Variants in TMEM272 observed in about 807,000 individuals in gnomAD.
The protein encoded by TMEM272 is long intergenic non-protein coding RNA 282.
TMEM272 carries 8 observed loss-of-function variants against 3.7 expected under a neutral mutation model. The observed-to-expected ratio is 2.17, with a 90% CI of 1.27 to 3.91. The LOEUF (loss-of-function observed/expected upper bound fraction) is 3.91, where lower values mean the gene tolerates loss of function less well. TMEM272 is among the 30% of genes most tolerant of loss of function. The pLI, the probability that TMEM272 is intolerant of heterozygous loss-of-function variation, is 0.00. For synonymous variants in TMEM272, 63 were observed against 39.8 expected (o/e 1.58, Z -2.20); for missense variants, 166 against 91.5 (o/e 1.81, Z -3.32).
upstream of TMEM272, among the ~76,000 whole-genome samples, chr13:51,848,636 C>A (rs1357708686): frequency 1.3e-5 from 2 of 152,078 alleles, no homozygotes; most frequent in East Asian, 3.9e-4. Flanking sequence ...TGAGCACGTG[C>A]CTGAGTTTAA....
chr13:51,828,038 C>T (rs976173535), intron 2 of TMEM272, among the ~76,000 whole-genome samples: 2 of 152,168 alleles, frequency 1.3e-5, no homozygotes, highest in African/African-American at 4.8e-5. Context: ...GGAAGCCAGC[C>T]TGCGAATGAG....
the TMEM272 span, chr13:51,910,337 T>C: frequency 7.8e-7 from 1 of 1,280,860 alleles, no homozygotes; most frequent in Non-Finnish European, 1.1e-6. Context: ...CAAGGCTAAA[T>C]TTTTCAAGTA....
chr13:51,933,288 T>C, the TMEM272 span: 1 of 152,230 alleles, frequency 6.6e-6, no homozygotes, highest in Non-Finnish European at 1.5e-5. Context: ...CTGGGCAAAG[T>C]CCTCAGCCTC....
the TMEM272 span, among the ~76,000 whole-genome samples, chr13:51,851,994 T>G: frequency 6.6e-6 from 1 of 152,242 alleles, no homozygotes; most frequent in Non-Finnish European, 1.5e-5. Context: ...TACATGTACC[T>G]GCTGGATAAA....
chr13:51,918,555 C>A, the TMEM272 span, among the ~76,000 whole-genome samples: 1 of 152,190 alleles, frequency 6.6e-6, no homozygotes, highest in Admixed American at 6.5e-5. Context: ...TATGGGGATT[C>A]ACTCTTAGTC....
At chr13:51,867,765 G>A in the TMEM272 span, among the ~76,000 whole-genome samples, 1 of 152,118 alleles carries the variant, frequency 6.6e-6, no homozygotes, top group Non-Finnish European at 1.5e-5. Flanking sequence ...GGGTCCCAGG[G>A]CAAGGACTTC....
chr13:51,873,933 C>T, the TMEM272 span, among the ~76,000 whole-genome samples: 11 of 152,200 alleles, frequency 7.2e-5, no homozygotes, highest in East Asian at 1.3e-3. Flanking sequence ...GGGAATTTTC[C>T]GTCTCATCTG....
the TMEM272 span, among the ~76,000 whole-genome samples, chr13:51,868,777 T>C: frequency 6.6e-6 from 1 of 152,244 alleles, no homozygotes; most frequent in Non-Finnish European, 1.5e-5. Context: ...CCTGCTCATT[T>C]AGCTGAGTTC....
upstream of TMEM272, among the ~76,000 whole-genome samples, chr13:51,849,289 A>G (rs1956320713): frequency 6.6e-6 from 1 of 152,196 alleles, no homozygotes. Flanking sequence ...CGTGAGGCAC[A>G]CAGAATAGTC....
intron 1 of TMEM272, among the ~76,000 whole-genome samples, chr13:51,839,612 C>G (rs1956244473): frequency 6.6e-6 from 1 of 152,246 alleles, no homozygotes; most frequent in Non-Finnish European, 1.5e-5. Flanking sequence ...TTTAGCAGCA[C>G]TACCTGCAGG....
chr13:51,817,129 G>A lies in TMEM272; in HGVS notation c.202-16C>T, dbSNP rs1194901019. The stretch of plus-strand genomic sequence containing the variant: ...GGAGAGACACCTGGGGCGTGGTGGG[G>A]AGCCAGGGTGGCAAGGCAGAGCAGC... On this transcript the variant is annotated splice_polypyrimidine_tract_variant and intron_variant, in intron 4 of 4. Transcript: ENST00000629372. The A allele has an allele frequency of 2.9e-6, 2 of 695,226 alleles. No individual in the cohort carries two copies. Among genetic ancestry groups the A allele is most frequent in the Admixed American group, 4.0e-5 (2 of 49,846 alleles). The allele number at this position is 695,226 out of a possible 1,614,324, so 43.1% of individuals were successfully genotyped here.
the TMEM272 span, among the ~76,000 whole-genome samples, chr13:51,889,705 G>A: frequency 9.2e-5 from 14 of 151,990 alleles, no homozygotes; most frequent in African/African-American, 2.9e-4. Flanking sequence ...GCAATGGTGC[G>A]ATCCCGGCTC....
the TMEM272 span, among the ~76,000 whole-genome samples, chr13:51,904,706 G>A: frequency 1.3e-5 from 2 of 152,162 alleles, no homozygotes; most frequent in African/African-American, 4.8e-5. Context: ...CAAAGGAAAT[G>A]CTCATTGGAG....
At chr13:51,862,375 A>G in the TMEM272 span, 10 of 152,274 alleles carry the variant, frequency 6.6e-5, no homozygotes, top group Non-Finnish European at 8.8e-5. Context: ...ACAGCTATAC[A>G]GATACACATC....
At chr13:51,828,073 A>G (rs1483490536) in intron 2 of TMEM272, among the ~76,000 whole-genome samples, 1 of 152,218 alleles carries the variant, frequency 6.6e-6, no homozygotes, top group East Asian at 1.9e-4. Flanking sequence ...AGGCAAGAGA[A>G]GAGGTAAAAA....
the TMEM272 span, among the ~76,000 whole-genome samples, chr13:51,890,944 T>C: frequency 1.3e-5 from 2 of 152,378 alleles, no homozygotes; most frequent in Admixed American, 1.3e-4. Context: ...GTTGAACTTT[T>C]GTTTGCCACT....
At chr13:51,851,011 T>C in the TMEM272 span, among the ~76,000 whole-genome samples, 1 of 152,120 alleles carries the variant, frequency 6.6e-6, no homozygotes, top group Non-Finnish European at 1.5e-5. Context: ...AGGGGTATGG[T>C]ATATATTTGA....
At chr13:51,863,801 T>C in the TMEM272 span, among the ~76,000 whole-genome samples, 27 of 151,896 alleles carry the variant, frequency 1.8e-4, no homozygotes, top group African/African-American at 6.5e-4. Context: ...CCCCAATAGG[T>C]CTCACGGATG....
chr13:51,872,488 G>C, the TMEM272 span, among the ~76,000 whole-genome samples: 2,582 of 152,206 alleles, frequency 0.017, 58 homozygotes, highest in African/African-American at 0.06. Flanking sequence ...CATAGGGGAA[G>C]ACATGCTCAA....
Sources: gnomAD v4.1 joint callset for allele counts (sites outside exome capture counted in the v4.1 genomes callset) on GRCh38, gnomAD v4.1.1 for gene constraint, MANE v1.5 for transcripts, NCBI Gene and HGNC (gene_info 2026-07-23, HGNC 2026-07-21) for gene names.